PFKFB3: variants seen among roughly 807,000 people sequenced by gnomAD.
PFKFB3 encodes 6-phosphofructo-2-kinase/fructose-2,6-bisphosphatase 3.
Under a neutral mutation model 68.0 loss-of-function variants are expected in PFKFB3, and 33 were observed. The observed-to-expected ratio is 0.49, with a 90% CI of 0.37 to 0.65. PFKFB3 has a LOEUF of 0.65. Among genes scored for constraint, PFKFB3 ranks in the 30% least tolerant of loss-of-function variants. The pLI, the probability that PFKFB3 is intolerant of heterozygous loss-of-function variation, is 0.00. For missense variants in PFKFB3, 586 were observed against 712.2 expected (o/e 0.82, Z 2.02); for synonymous variants, 315 against 288.2 (o/e 1.09, Z -0.94).
chr10:6,166,821 CTTTTTTT>C (rs144747290), intron 1 of PFKFB3, among the ~76,000 whole-genome samples: 5 of 95,272 alleles, frequency 5.2e-5, no homozygotes, highest in Non-Finnish European at 6.4e-5. Context: ...CCTTCTTCTT[CTTTTTTT>C]TTTTTTTTTT....
chr10:6,312,456 C>T, the PFKFB3 span, among the ~76,000 whole-genome samples: 3 of 152,070 alleles, frequency 2.0e-5, no homozygotes, highest in South Asian at 2.1e-4. Context: ...AGAATGGGGC[C>T]GTGTGAGCCA....
chr10:6,326,113 A>G, the PFKFB3 span, among the ~76,000 whole-genome samples: 3 of 152,236 alleles, frequency 2.0e-5, no homozygotes, highest in Non-Finnish European at 4.4e-5. Flanking sequence ...GAAATAAAGA[A>G]TGAACATGGT....
the PFKFB3 span, among the ~76,000 whole-genome samples, chr10:6,276,358 G>A: frequency 7.3e-5 from 11 of 150,954 alleles, no homozygotes; most frequent in Admixed American, 1.3e-4. Flanking sequence ...TGGAAAATGT[G>A]TTTATGGATC....
chr10:6,278,399 C>T, the PFKFB3 span, among the ~76,000 whole-genome samples: 4 of 151,958 alleles, frequency 2.6e-5, no homozygotes, highest in African/African-American at 9.7e-5. Flanking sequence ...CTGCAGCCTC[C>T]CGAGTAGCTG....
the PFKFB3 span, among the ~76,000 whole-genome samples, chr10:6,275,205 T>G: frequency 6.6e-6 from 1 of 152,342 alleles, no homozygotes; most frequent in African/African-American, 2.4e-5. The surrounding 1 kb of genome is among the most constrained non-coding windows in gnomAD (Gnocchi z 4.9). Context: ...CCCGCCCCTC[T>G]GTTGTCATGG....
the PFKFB3 span, among the ~76,000 whole-genome samples, chr10:6,321,420 A>G: frequency 6.6e-6 from 1 of 152,072 alleles, no homozygotes; most frequent in Non-Finnish European, 1.5e-5. Flanking sequence ...AAAAAGAAAT[A>G]TGTGACCCAA....
At chr10:6,173,559 G>A (rs1007780377) in intron 1 of PFKFB3, among the ~76,000 whole-genome samples, 6 of 152,150 alleles carry the variant, frequency 3.9e-5, no homozygotes, top group Admixed American at 3.9e-4. Context: ...GTGCAGACAA[G>A]TATTTGAGGT....
At chr10:6,268,113 G>A in the PFKFB3 span, among the ~76,000 whole-genome samples, 3 of 151,854 alleles carry the variant, frequency 2.0e-5, no homozygotes, top group South Asian at 2.1e-4. Context: ...CCTCCCCCAC[G>A]CCACTTCCAT....
intron 1 of PFKFB3, among the ~76,000 whole-genome samples, chr10:6,160,575 G>A (rs1841939602): frequency 6.6e-6 from 1 of 152,022 alleles, no homozygotes; most frequent in Non-Finnish European, 1.5e-5. Flanking sequence ...AAAATTAGCT[G>A]GGCATGGTGG....
chr10:6,253,729 G>C (rs1846433269), intron 14 of PFKFB3, among the ~76,000 whole-genome samples: 1 of 152,102 alleles, frequency 6.6e-6, no homozygotes, highest in Non-Finnish European at 1.5e-5. Context: ...CTAGACAAGA[G>C]AAAGCATAGT....
In PFKFB3 at chr10:6,203,442, G is replaced by T. The variant is rs1295627427; in HGVS notation, c.76+106G>T. ...GCCCCTCTGCGGGGGGCGCGCCCGTGCGGGTCGCGCCGGCGGGGCGGGGCG... is the reference window on the plus strand; with the variant it reads ...GCCCCTCTGCGGGGGGCGCGCCCGTTCGGGTCGCGCCGGCGGGGCGGGGCG... On this transcript the variant is annotated intron_variant, in intron 1 of 14. Coordinates refer to ENST00000379775, the MANE Select transcript of PFKFB3 (RefSeq NM_004566.4). The T allele has an allele frequency of 1.1e-5, 7 of 640,010 alleles. No homozygotes were observed. In the East Asian group the frequency reaches 3.4e-4, roughly 31 times the overall value. 39.6% of individuals were successfully genotyped at this position (640,010 alleles called of 1,614,324 possible).
At chr10:6,173,656 G>A (rs1842377040) in intron 1 of PFKFB3, among the ~76,000 whole-genome samples, 1 of 151,966 alleles carries the variant, frequency 6.6e-6, no homozygotes, top group Non-Finnish European at 1.5e-5. Flanking sequence ...GGGGTTTCTG[G>A]GTCTCCAGAG....
chr10:6,209,770 T>TTC (rs1405181367), intron 1 of PFKFB3, among the ~76,000 whole-genome samples: 1 of 143,962 alleles, frequency 6.9e-6, no homozygotes, highest in Non-Finnish European at 1.5e-5. Flanking sequence ...CTTTTCTTTT[T>TTC]TTTTTTTTTT....
At chr10:6,146,355 C>T (rs965968742) in intron 1 of PFKFB3, 13 of 1,534,410 alleles carry the variant, frequency 8.5e-6, no homozygotes, top group Non-Finnish European at 1.1e-5. Flanking sequence ...GCTGCTGACT[C>T]TCCTGTCCCG....
the PFKFB3 span, among the ~76,000 whole-genome samples, chr10:6,271,830 A>G: frequency 6.6e-6 from 1 of 152,140 alleles, no homozygotes; most frequent in Non-Finnish European, 1.5e-5. Context: ...GTGGGCATGT[A>G]TTTATATTTT....
rs570689483 is a variant in PFKFB3 at position 6,203,224 on chromosome 10, G to C, written c.-37G>C. The C allele has an allele frequency of 1.6e-5, 25 of 1,599,404 alleles. No homozygotes were observed. The Admixed American group carries it at 3.3e-4, about 21-fold the overall frequency. On this transcript the variant is annotated 5_prime_UTR_variant, in exon 1 of 15. Coordinates refer to ENST00000379775, the MANE Select transcript of PFKFB3 (RefSeq NM_004566.4). The stretch of plus-strand genomic sequence containing the variant: ...GCTCTCCTGCCAGCGTCGGGATCTC[G>C]GCCCCGGGAGGCGGGCCGTCGGGCG...
At chr10:6,145,106 C>A (rs1841333603) in intron 1 of PFKFB3, 2 of 1,050,312 alleles carry the variant, frequency 1.9e-6, no homozygotes, top group Non-Finnish European at 2.5e-6. Context: ...CCTCGCCAGG[C>A]GCGGAAGCAC....
the PFKFB3 span, among the ~76,000 whole-genome samples, chr10:6,269,226 T>G: frequency 1.0e-5 from 1 of 100,026 alleles, no homozygotes; most frequent in Non-Finnish European, 2.3e-5. Flanking sequence ...TATTTTTACG[T>G]TTTTTTTTTT....
the PFKFB3 span, among the ~76,000 whole-genome samples, chr10:6,313,373 T>C: frequency 6.6e-6 from 1 of 152,202 alleles, no homozygotes; most frequent in Admixed American, 6.5e-5. This position sits in a 1 kb window ranked among gnomAD's most constrained non-coding sequence, Gnocchi z 4.2. Flanking sequence ...ATCAGTAGTT[T>C]ATGGAGGGAG....
Sources: gnomAD v4.1 joint callset for allele counts (sites outside exome capture counted in the v4.1 genomes callset) on GRCh38, gnomAD v4.1.1 for gene constraint, Gnocchi (gnomAD v3.1) non-coding constraint, MANE v1.5 for transcripts, NCBI Gene and HGNC (gene_info 2026-07-23, HGNC 2026-07-21) for gene names.